Variants in CCSER1 observed in about 807,000 individuals in gnomAD.
CCSER1 encodes the protein serine-rich coiled-coil domain-containing protein 1.
Under a neutral mutation model 82.0 loss-of-function variants are expected in CCSER1, and 41 were observed. That is an observed-to-expected ratio of 0.50 (90% CI 0.39 to 0.65). The LOEUF is 0.65. CCSER1 is among the 30% of genes least tolerant of loss of function. CCSER1 has a pLI of 0.00. For missense variants in CCSER1, 1,119 were observed against 1,064.2 expected, an observed-to-expected ratio of 1.05 and a Z score of -0.72; for synonymous variants, 414 against 383.9, an observed-to-expected ratio of 1.08 and a Z score of -0.92.
intron 3 of CCSER1, among the ~76,000 whole-genome samples, chr4:90,393,902 C>T (rs572612143): frequency 2.0e-5 from 3 of 150,772 alleles, no homozygotes; most frequent in African/African-American, 7.3e-5. Flanking sequence ...CCTCAGCCCC[C>T]TGCGTAGCTG....
At chr4:91,306,059 TTGTGTGTGTGTGTG>T (rs70965483) in intron 10 of CCSER1, among the ~76,000 whole-genome samples, 4 of 139,536 alleles carry the variant, frequency 2.9e-5, no homozygotes, top group Non-Finnish European at 4.7e-5. Flanking sequence ...ATCAGTGTGT[TTGTGTGTGTGTGTG>T]TGTGTGTGTG....
At chr4:91,138,889 C>A (rs1728749444) in intron 10 of CCSER1, among the ~76,000 whole-genome samples, 1 of 152,090 alleles carries the variant, frequency 6.6e-6, no homozygotes, top group Non-Finnish European at 1.5e-5. Context: ...ATAAGTTCTA[C>A]CTTTATTTTA....
chr4:90,425,794 C>T (rs1443494481), intron 4 of CCSER1, among the ~76,000 whole-genome samples: 1 of 152,114 alleles, frequency 6.6e-6, no homozygotes, highest in Non-Finnish European at 1.5e-5. Flanking sequence ...AGCTTCAACA[C>T]CACCACTTTT....
intron 3 of CCSER1, among the ~76,000 whole-genome samples, chr4:90,389,752 C>T (rs1176210943): frequency 2.6e-5 from 4 of 152,202 alleles, no homozygotes; most frequent in Admixed American, 2.0e-4. Flanking sequence ...GTGGACACAG[C>T]ACATGGTGTG....
intron 9 of CCSER1, among the ~76,000 whole-genome samples, chr4:91,049,033 A>G (rs1742765971): frequency 6.6e-6 from 1 of 152,194 alleles, no homozygotes; most frequent in Non-Finnish European, 1.5e-5. Flanking sequence ...ATTTTAAAAG[A>G]CTAACAATTG....
chr4:90,750,875 T>C (rs1213605993), intron 7 of CCSER1, among the ~76,000 whole-genome samples: 2 of 152,178 alleles, frequency 1.3e-5, no homozygotes, highest in Non-Finnish European at 2.9e-5. Flanking sequence ...ACACTAGTCA[T>C]TAAGTGTTTA....
intron 5 of CCSER1, among the ~76,000 whole-genome samples, chr4:90,505,348 G>T (rs185443073): frequency 6.6e-6 from 1 of 152,294 alleles, no homozygotes; most frequent in East Asian, 1.9e-4. Context: ...CCAAAATAAA[G>T]AATGTAGGGA....
chr4:91,219,201 A>C (rs1316649140), intron 10 of CCSER1, among the ~76,000 whole-genome samples: 1 of 152,120 alleles, frequency 6.6e-6, no homozygotes, highest in Non-Finnish European at 1.5e-5. Flanking sequence ...TCATTTTCAA[A>C]TATAATTGTT....
chr4:90,699,979 G>C (rs954847538), intron 6 of CCSER1, among the ~76,000 whole-genome samples: 1 of 151,588 alleles, frequency 6.6e-6, no homozygotes, highest in Non-Finnish European at 1.5e-5. Context: ...ATCTGCTTAT[G>C]TCTCAATCTT....
intron 1 of CCSER1, among the ~76,000 whole-genome samples, chr4:90,277,657 T>C (rs1728081084): frequency 6.6e-6 from 1 of 151,950 alleles, no homozygotes; most frequent in African/African-American, 2.4e-5. Context: ...TCCCTACCTA[T>C]CACCATATAT....
intron 5 of CCSER1, among the ~76,000 whole-genome samples, chr4:90,593,304 G>A (rs1341410452): frequency 6.6e-6 from 1 of 152,050 alleles, no homozygotes; most frequent in Non-Finnish European, 1.5e-5. Flanking sequence ...ACTGGTGGAG[G>A]GGGTACAGGT....
chr4:91,442,575 G>T (rs1285384097), intron 10 of CCSER1, among the ~76,000 whole-genome samples: 197 of 138,026 alleles, frequency 1.4e-3, no homozygotes, highest in Admixed American at 2.3e-3. Flanking sequence ...AGGACTTCAT[G>T]TCTAAAACAC....
intron 10 of CCSER1, among the ~76,000 whole-genome samples, chr4:91,133,888 C>T (rs1414047021): frequency 6.6e-6 from 1 of 152,142 alleles, no homozygotes; most frequent in African/African-American, 2.4e-5. Context: ...ATCATGAGGT[C>T]AGGAGTTCAA....
intron 6 of CCSER1, among the ~76,000 whole-genome samples, chr4:90,722,894 G>T (rs533943398): frequency 6.6e-6 from 1 of 151,810 alleles, no homozygotes; most frequent in Non-Finnish European, 1.5e-5. Context: ...AATAAGTAGC[G>T]GTTGTAGCAC....
At chr4:91,329,458 T>C (rs1746792112) in intron 10 of CCSER1, among the ~76,000 whole-genome samples, 1 of 152,188 alleles carries the variant, frequency 6.6e-6, no homozygotes, top group Non-Finnish European at 1.5e-5. Flanking sequence ...AAGTATGAGT[T>C]TCCCATATTA....
At chr4:91,263,142 T>C (rs1016917868) in intron 10 of CCSER1, among the ~76,000 whole-genome samples, 1 of 152,082 alleles carries the variant, frequency 6.6e-6, no homozygotes, top group Non-Finnish European at 1.5e-5. Flanking sequence ...ATTTGCTGCT[T>C]GCTCAAGCAT....
intron 6 of CCSER1, among the ~76,000 whole-genome samples, chr4:90,701,976 G>A (rs1441204173): frequency 6.6e-6 from 1 of 152,054 alleles, no homozygotes; most frequent in African/African-American, 2.4e-5. Flanking sequence ...TCTTTCTCCT[G>A]CTTGATTGCC....
chr4:90,854,761 A>T (rs1580790117), intron 8 of CCSER1, among the ~76,000 whole-genome samples: 1 of 151,904 alleles, frequency 6.6e-6, no homozygotes, highest in Non-Finnish European at 1.5e-5. Flanking sequence ...GATCTTCATT[A>T]TAAGATTGCT....
chr4:91,304,998 C>A (rs1744939698), intron 10 of CCSER1, among the ~76,000 whole-genome samples: 1 of 151,968 alleles, frequency 6.6e-6, no homozygotes, highest in African/African-American at 2.4e-5. Context: ...CACAGCCAGG[C>A]ATCATGCTTG....
Sources: gnomAD v4.1 joint callset for allele counts (sites outside exome capture counted in the v4.1 genomes callset) on GRCh38, gnomAD v4.1.1 for gene constraint, MANE v1.5 for transcripts, NCBI Gene and HGNC (gene_info 2026-07-23, HGNC 2026-07-21) for gene names.